The following MBD4 variants were observed in gnomAD, a reference collection of about 807,000 sequenced individuals.
MBD4 encodes methyl-CpG binding domain 4, DNA glycosylase.
Under a neutral mutation model 60.2 loss-of-function variants are expected in MBD4, and 53 were observed. The observed-to-expected ratio is 0.88, with a 90% CI of 0.71 to 1.11. The LOEUF is 1.11. Ranked by LOEUF, MBD4 falls within the 50% of genes least tolerant of loss-of-function variation. The pLI is 0.00. For missense variants in MBD4, 619 were observed against 674.0 expected, an observed-to-expected ratio of 0.92 and a Z score of 0.90; for synonymous variants, 231 against 229.8, an observed-to-expected ratio of 1.01 and a Z score of -0.05.
At position 129,436,888 on chromosome 3, in the gene MBD4, C is replaced by A. The variant is rs2072474244; in HGVS notation, c.756G>T (p.Lys252Asn). Reference protein sequence around the residue: ...PIKKTKKGCRKSCSGFVQSDS... With the variant: ...PIKKTKKGCRNSCSGFVQSDS... ...CACTTTGAACAAAACCTGAACAGCT[C>A]TTCCTACATCCTTTTTTAGTTTTCT... is the stretch of plus-strand genomic sequence containing the variant. The change falls in exon 3 of 8, where the codon AAG becomes AAT. Residue 252 changes from lysine to asparagine, a missense_variant. Coordinates refer to ENST00000429544, the MANE Select transcript of MBD4 (RefSeq NM_001276270.2). 1 of 1,614,134 alleles carries A rather than the reference C, an allele frequency of 6.2e-7. No individual in the cohort carries two copies. Among genetic ancestry groups the A allele is most frequent in the South Asian group, 1.1e-5 (1 of 91,088 alleles).
rs906385254 is a variant in MBD4, at chr3:129,439,746, G to A, written c.88C>T (p.Pro30Ser). ...GTAACTTACCGGAGGTCATTCGGCG[G>A]GTCTGGGACTAGGCGCTCACTAGAG... Reference protein sequence around the residue: ...VTSSERLVPDPPNDLRKEDVA... With the variant: ...VTSSERLVPDSPNDLRKEDVA... The change falls in exon 1 of 8, where the codon CCG becomes TCG. Residue 30 changes from proline (P) to serine (S), a missense_variant. By Grantham distance (74) the Pro-to-Ser change is moderately conservative. Coordinates refer to ENST00000429544, the MANE Select transcript of MBD4 (RefSeq NM_001276270.2). 7 of 1,594,240 alleles carry A rather than the reference G, an allele frequency of 4.4e-6. No individual in the cohort carries two copies. In the African/African-American group the frequency reaches 8.0e-5, roughly 18 times the overall value.
At position 129,436,479 on chromosome 3, in the gene MBD4, T is replaced by G. The variant is rs1295714092; in HGVS notation, c.1165A>C (p.Thr389Pro). ...TTCTCACCAGTGAAGTCTTTCCTGG[T>G]TGGTGAGCAGTTGTTGTCCATTTCA... ...GSEMDNNCSP[T>P]RKDFTEDTIP... The change falls in exon 3 of 8, where the codon ACC (threonine) becomes CCC (proline). Residue 389 changes from threonine (T) to proline (P), a missense_variant. By Grantham distance (38) the Thr-to-Pro change is conservative. Coordinates refer to ENST00000429544, the MANE Select transcript of MBD4 (RefSeq NM_001276270.2). The G allele has an allele frequency of 6.2e-7, 1 of 1,613,990 alleles. No individual in the cohort carries two copies. The highest frequency in any genetic ancestry group is 8.5e-7 in the Non-Finnish European group (1 of 1,180,002).
intron 1 of MBD4, 81 bp downstream of exon 1, chr3:129,439,649 G>C: frequency 1.1e-6 from 1 of 932,982 alleles, no homozygotes; most frequent in Non-Finnish European, 1.7e-6. Context: ...TCAAAGGTTA[G>C]AAAGGCCCAC....
In MBD4 at chr3:129,436,939, C is replaced by A; in HGVS notation, c.705G>T (p.Val235=). The A allele has an allele frequency of 6.2e-7, 1 of 1,614,150 alleles. No individual in the cohort carries two copies. The highest frequency in any genetic ancestry group is 2.2e-5 in the East Asian group (1 of 44,888). Residue 235 remains valine, a synonymous_variant, in exon 3 of 8, where the codon GTG becomes GTT. Transcript: ENST00000429544. ...FRKVRKPKGK[V]TILKGIPIKK... ...TAATTGGGATTCCTTTCAAAATAGT[C>A]ACCTTTCCTTTGGGCTTTCTAACCT...
chr3:129,439,613 G>A (rs1196931060), intron 1 of MBD4, 117 bp downstream of exon 1: 1 of 767,886 alleles, frequency 1.3e-6, no homozygotes. Flanking sequence ...AAACCCGTGG[G>A]CTTCGAGGTT....
At position 129,432,574 on chromosome 3, in the gene MBD4, T is replaced by C. The variant is rs183820888; in HGVS notation, c.1576A>G (p.Ile526Val). 3.7e-5 allele frequency: 59 copies of C among 1,614,162 alleles called. No homozygotes were observed. Among genetic ancestry groups the C allele is most frequent in the East Asian group, 3.1e-4 (14 of 44,886 alleles). The change falls in exon 7 of 8, where the codon ATT becomes GTT. Residue 526 changes from isoleucine to valine, a missense_variant. Ile to Val is a conservative substitution (Grantham distance 29). Transcript: ENST00000429544. ...TATTTACCAATCCCATGAAGCTCAA[T>C]TGGATACTTCCACTGCTTTGTCAGG... is the stretch of plus-strand genomic sequence containing the variant. ...EYLTKQWKYP[I>V]ELHGIGKYGN...
At chr3:129,439,661 C>A (rs1363214787) in intron 1 of MBD4, 69 bp downstream of exon 1, 13 of 994,570 alleles carry the variant, frequency 1.3e-5, no homozygotes, top group Non-Finnish European at 2.0e-5. Flanking sequence ...AAGGCCCACA[C>A]ACTGTCCACT....
intron 3 of MBD4, among the ~76,000 whole-genome samples, chr3:129,434,774 C>T (rs1022842383): frequency 2.0e-5 from 3 of 152,140 alleles, no homozygotes; most frequent in Admixed American, 6.5e-5. Context: ...CTGCAGTGAA[C>T]ACTTACTTTT....
rs781435274 is a variant in MBD4, at chr3:129,433,927, A to C, written c.1316T>G (p.Phe439Cys). 6.2e-7 allele frequency: 1 copy of C among 1,614,190 alleles called. No homozygotes were observed. The highest frequency in any genetic ancestry group is 8.5e-7 in the Non-Finnish European group (1 of 1,180,010). The stretch of plus-strand genomic sequence containing the variant: ...AAAAAGTGTTTCTTGAACGAGATTA[A>C]AAGGTGACCGAGGAGGTGTCCATTT... ...FKKWTPPRSPFNLVQETLFHD... is the reference protein window; with the variant it reads ...FKKWTPPRSPCNLVQETLFHD... Residue 439 changes from phenylalanine (F) to cysteine (C), a missense_variant, in exon 5 of 8, where the codon TTT (phenylalanine) becomes TGT (cysteine). Coordinates refer to ENST00000429544, the MANE Select transcript of MBD4 (RefSeq NM_001276270.2).
Position 129,436,650 on chromosome 3 carries a change from T to C in MBD4, c.994A>G (p.Ile332Val). 1 of 1,614,196 alleles carries C rather than the reference T, an allele frequency of 6.2e-7. No homozygotes were observed. Among genetic ancestry groups the C allele is most frequent in the South Asian group, 1.1e-5 (1 of 91,084 alleles). Residue 332 changes from isoleucine (I) to valine (V), a missense_variant, in exon 3 of 8, where the codon ATC becomes GTC. Physicochemically the swap from Ile to Val is conservative, Grantham distance 29. Coordinates refer to ENST00000429544, the MANE Select transcript of MBD4 (RefSeq NM_001276270.2). ...NFCSEQKTSG[I>V]INKFCSAKDS... ...TTGGCTGAACAAAATTTGTTTATGA[T>C]GCCAGAAGTTTTTTGTTCAGAACAA...
In MBD4 at chr3:129,433,912, T is replaced by C; in HGVS notation, c.1331A>G (p.Glu444Gly). ...PPRSPFNLVQ[E>G]TLFHDPWKLL... ...CTTCCATGGATCATGAAAAAGTGTT[T>C]CTTGAACGAGATTAAAAGGTGACCG... The change falls in exon 5 of 8, where the codon GAA becomes GGA. Residue 444 changes from glutamate to glycine, a missense_variant. By Grantham distance (98) the Glu-to-Gly change is moderately conservative. Transcript: ENST00000429544. 6.2e-7 allele frequency: 1 copy of C among 1,614,176 alleles called. No homozygotes were observed. The highest frequency in any genetic ancestry group is 8.5e-7 in the Non-Finnish European group (1 of 1,180,002).
intron 5 of MBD4, chr3:129,433,563 ACTTTTAAACACACATG>A (rs1367593161): frequency 5.2e-6 from 3 of 577,940 alleles, no homozygotes. Flanking sequence ...TGAAAAAGAT[ACTTTTAAACACACATG>A]AAAGAGGGTG....
chr3:129,432,988 G>A, intron 6 of MBD4, 110 bp downstream of exon 6: 1 of 1,408,810 alleles, frequency 7.1e-7, no homozygotes, highest in Non-Finnish European at 1.0e-6. Flanking sequence ...GGGTGCTTGA[G>A]CTGAAAAACC....
At chr3:129,437,378 T>A (rs2072487187) in intron 2 of MBD4, 70 bp from the exon 3 acceptor site, 1 of 1,223,342 alleles carries the variant, frequency 8.2e-7, no homozygotes, top group Non-Finnish European at 1.2e-6. Flanking sequence ...CTGGACCACA[T>A]TTCAGATTTC....
Position 129,431,263 on chromosome 3 carries a change from G to A in MBD4, c.*238C>T, listed in dbSNP as rs1178907602. Reference sequence around the variant, plus strand: ...ATTATATTTCATCATTGGAAAAGCCGTATTTTTTTTGGATTGTTGTCAAAT... The same window carrying A: ...ATTATATTTCATCATTGGAAAAGCCATATTTTTTTTGGATTGTTGTCAAAT... On this transcript the variant is annotated 3_prime_UTR_variant, in exon 8 of 8. Transcript: ENST00000429544. 10 of 480,088 alleles carry A rather than the reference G, an allele frequency of 2.1e-5. No homozygotes were observed. Among genetic ancestry groups the A allele is most frequent in the African/African-American group, 5.8e-5 (3 of 51,468 alleles). 29.7% of individuals were successfully genotyped at this position (480,088 alleles called of 1,614,324 possible).
chr3:129,432,637 T>A (rs746589978), intron 6 of MBD4, 31 bp from the exon 7 acceptor site: 8 of 1,608,400 alleles, frequency 5.0e-6, no homozygotes, highest in Non-Finnish European at 6.8e-6. Context: ...CATTATCAGG[T>A]CAGCTTCTAA....
chr3:129,436,444 TTGAAA>T lies in MBD4; in HGVS notation c.1183+12_1183+16del. On this transcript the variant is annotated intron_variant, in intron 3 of 7. Transcript: ENST00000429544. ...ATAGTGCTTGAAAGCACTGGATACC[TTGAAA>T]TATTTTCTCACCAGTGAAGTCTTTC... is the stretch of plus-strand genomic sequence containing the variant. The T allele has an allele frequency of 1.2e-6, 2 of 1,613,774 alleles. No individual in the cohort carries two copies. Among genetic ancestry groups the T allele is most frequent in the Admixed American group, 3.3e-5 (2 of 60,030 alleles).
Position 129,436,935 on chromosome 3 carries a change from T to C in MBD4, c.709A>G (p.Ile237Val). The change falls in exon 3 of 8, where the codon ATT (isoleucine) becomes GTT (valine). Residue 237 changes from isoleucine (I) to valine (V), a missense_variant. Physicochemically the swap from Ile to Val is conservative, Grantham distance 29. Coordinates refer to ENST00000429544, the MANE Select transcript of MBD4 (RefSeq NM_001276270.2). Reference protein sequence around the residue: ...KVRKPKGKVTILKGIPIKKTK... With the variant: ...KVRKPKGKVTVLKGIPIKKTK... ...TTCTTAATTGGGATTCCTTTCAAAA[T>C]AGTCACCTTTCCTTTGGGCTTTCTA... The C allele has an allele frequency of 6.2e-7, 1 of 1,614,188 alleles. No homozygotes were observed. The highest frequency in any genetic ancestry group is 8.5e-7 in the Non-Finnish European group (1 of 1,180,034).
Position 129,432,375 on chromosome 3 carries a change from C to G in MBD4, c.1647+128G>C, listed in dbSNP as rs569310704. The G allele has an allele frequency of 2.0e-5, 31 of 1,570,638 alleles. 2 individuals carry two copies. In the South Asian group the frequency reaches 3.5e-4, roughly 18 times the overall value. On this transcript the variant is annotated intron_variant, in intron 7 of 7. Coordinates refer to ENST00000429544, the MANE Select transcript of MBD4 (RefSeq NM_001276270.2). Reference sequence around the variant, plus strand: ...AACCCACATGCCACCCGCTTCCCCGCAGCCAGGAACACAATTGTTTGTGAC... The same window carrying G: ...AACCCACATGCCACCCGCTTCCCCGGAGCCAGGAACACAATTGTTTGTGAC...
Sources: allele counts gnomAD v4.1 joint callset (sites outside exome capture counted in the v4.1 genomes callset), GRCh38; gene constraint gnomAD v4.1.1; transcripts MANE v1.5; gene names NCBI Gene and HGNC (gene_info 2026-07-23, HGNC 2026-07-21).